The following MYBPC3 variants were observed in gnomAD, a reference collection of about 807,000 sequenced individuals.
MYBPC3 encodes myosin binding protein C3, also known as myosin-binding protein C, cardiac-type.
MYBPC3 carries 108 observed loss-of-function variants against 159.3 expected under a neutral mutation model. The observed-to-expected ratio is 0.68, with a 90% CI of 0.58 to 0.80. The LOEUF is 0.80. Ranked by LOEUF, MYBPC3 falls within the 30% of genes least tolerant of loss-of-function variation. MYBPC3 has a pLI of 0.00. For synonymous variants in MYBPC3, 730 were observed against 702.0 expected, an observed-to-expected ratio of 1.04 and a Z score of -0.63; for missense variants, 1,631 against 1,762.1, an observed-to-expected ratio of 0.93 and a Z score of 1.33.
Position 47,332,749 on chromosome 11 carries a change from C to T in MYBPC3, c.3491-47G>A, listed in dbSNP as rs1448980101. ...ACCGAGAGGGCCACACAAAGCTAGG[C>T]CCCTCTCCCTGTTCCCACAGCCTCC... On this transcript the variant is annotated intron_variant, in intron 31 of 34. Coordinates refer to ENST00000545968, the MANE Select transcript of MYBPC3 (RefSeq NM_000256.3). This position sits in a 1 kb window ranked among gnomAD's most constrained non-coding sequence, Gnocchi z 4.2. The T allele has an allele frequency of 1.3e-6, 2 of 1,585,486 alleles. No homozygotes were observed. The highest frequency in any genetic ancestry group is 1.7e-6 in the Non-Finnish European group (2 of 1,165,078).
chr11:47,341,922 T>A, intron 18 of MYBPC3, 69 bp downstream of exon 18: 1 of 1,532,244 alleles, frequency 6.5e-7, no homozygotes. Flanking sequence ...TCTCTCTGTT[T>A]CTCCCTGTGT....
At position 47,347,667 on chromosome 11, in the gene MYBPC3, C is replaced by T; in HGVS notation, c.835G>A (p.Gly279Ser). ...SAFRRTSLAGGGRRISDSHED... is the reference protein window; with the variant it reads ...SAFRRTSLAGSGRRISDSHED... ...CAGGGGTACCTGATCCGCCGACCAC[C>T]TCCAGCCAGGCTCCTGTGGGGGTTA... The change falls in exon 8 of 35, where the codon GGT (glycine) becomes AGT (serine). Residue 279 changes from glycine (G) to serine (S), a missense_variant. By Grantham distance (56) the Gly-to-Ser change is moderately conservative. Transcript: ENST00000545968. 1.3e-6 allele frequency: 2 copies of T among 1,574,354 alleles called. No individual in the cohort carries two copies. Among genetic ancestry groups the T allele is most frequent in the South Asian group, 2.3e-5 (2 of 85,810 alleles).
Position 47,343,008 on chromosome 11 carries a change from G to A in MYBPC3, c.1351+13C>T. On this transcript the variant is annotated intron_variant, in intron 15 of 34. Transcript: ENST00000545968. ...CCTCCCCAGGTTCCCACATCCTCAG[G>A]TCCCAGGCCCACCTTTCACAAAGAG... 6.2e-7 allele frequency: 1 copy of A among 1,613,042 alleles called. No homozygotes were observed. The highest frequency in any genetic ancestry group is 8.5e-7 in the Non-Finnish European group (1 of 1,179,764).
intron 19 of MYBPC3, 44 bp from the exon 20 acceptor site, chr11:47,341,076 G>T: frequency 6.4e-7 from 1 of 1,570,360 alleles, no homozygotes; most frequent in Non-Finnish European, 8.7e-7. Context: ...CAAAGGCAGG[G>T]CCCAGTGACA....
At chr11:47,334,092 G>T in intron 27 of MYBPC3, 82 bp from the exon 28 acceptor site, 1 of 1,350,322 alleles carries the variant, frequency 7.4e-7, no homozygotes, top group Non-Finnish European at 1.0e-6. Context: ...CTTGAGACAA[G>T]GCCCAGAGAG....
At chr11:47,342,288 G>T in intron 17 of MYBPC3, 132 bp from the exon 18 acceptor site, 1 of 1,165,910 alleles carries the variant, frequency 8.6e-7, no homozygotes, top group South Asian at 1.6e-5. Context: ...GAAAACACGT[G>T]TGCCTGTGTG....
chr11:47,335,288 A>T (rs2095881191), intron 26 of MYBPC3, 79 bp from the exon 27 acceptor site: 1 of 1,095,694 alleles, frequency 9.1e-7, no homozygotes, highest in Non-Finnish European at 1.2e-6. Flanking sequence ...CTCCTCTGAT[A>T]GGAATCTCCA....
At chr11:47,350,686 C>T in intron 2 of MYBPC3, 71 bp from the exon 3 acceptor site, 1 of 1,399,398 alleles carries the variant, frequency 7.1e-7, no homozygotes, top group Non-Finnish European at 9.3e-7. Context: ...CTCTCCTGAG[C>T]ATTGGACCCA....
chr11:47,348,327 A>G (rs544121678), intron 6 of MYBPC3, 97 bp downstream of exon 6: 1 of 911,192 alleles, frequency 1.1e-6, no homozygotes, highest in East Asian at 2.6e-5. Context: ...TCATGTCTGG[A>G]TGGGACGAGG....
At chr11:47,350,413 A>T in intron 3 of MYBPC3, 89 bp downstream of exon 3, 1 of 1,518,262 alleles carries the variant, frequency 6.6e-7, no homozygotes, top group Non-Finnish European at 8.8e-7. Flanking sequence ...GGCCTGAGCC[A>T]CCGCACCTGG....
intron 25 of MYBPC3, among the ~76,000 whole-genome samples, chr11:47,337,085 C>G (rs1655200078): frequency 1.3e-5 from 2 of 152,236 alleles, no homozygotes; most frequent in Non-Finnish European, 2.9e-5. Flanking sequence ...TAACAGCTCT[C>G]TGAGATAGGC....
In MYBPC3 at chr11:47,350,060, G is replaced by T; in HGVS notation, c.459C>A (p.Pro153=). 1 of 1,563,368 alleles carries T rather than the reference G, an allele frequency of 6.4e-7. No homozygotes were observed. Residue 153 remains proline (P), a synonymous_variant, in exon 4 of 35, where the codon CCC becomes CCA. Coordinates refer to ENST00000545968, the MANE Select transcript of MYBPC3 (RefSeq NM_000256.3). The part of the protein sequence containing the change: ...NGPTPGAPDD[P]IGLFVMRPQD... ...GTGGCCGCATCACGAAGAGGCCAAT[G>T]GGGTCATCGGGGGCTCCAGGGGTAG...
At position 47,351,348 on chromosome 11, in the gene MYBPC3, G is replaced by C. The variant is rs1171379544; in HGVS notation, c.183C>G (p.Gly61=). 6.2e-7 allele frequency: 1 copy of C among 1,601,728 alleles called. No homozygotes were observed. Among genetic ancestry groups the C allele is most frequent in the Non-Finnish European group, 8.5e-7 (1 of 1,174,694 alleles). The change falls in exon 2 of 35, where the codon GGC becomes GGG. Residue 61 remains glycine (G), a synonymous_variant. Transcript: ENST00000545968. This position sits in a 1 kb window ranked among gnomAD's most constrained non-coding sequence, Gnocchi z 4.2. The part of the protein sequence containing the change: ...ASNKYGLATE[G]TRHTLTVREV... ...CCCGCACTGTCAGCGTATGCCGTGT[G>C]CCCTCTGTGGCCAGGCCGTACTTGT...
rs1438644089 is a variant in MYBPC3 at position 47,342,262 on chromosome 11, G to A, written c.1625-106C>T. The A allele has an allele frequency of 2.2e-6, 3 of 1,373,672 alleles. No homozygotes were observed. In the African/African-American group the frequency reaches 4.3e-5, roughly 20 times the overall value. The allele number at this position is 1,373,672 out of a possible 1,614,324, so 85.1% of individuals were successfully genotyped here. A position where few individuals can be genotyped will look rare whatever the true frequency, so the allele number is the denominator to read the frequency against. ...TGGGCGCTGGTGCGCACGTGTCTGG[G>A]TGCATGTGGGCATGTGAAAACACGT... On this transcript the variant is annotated intron_variant, in intron 17 of 34. Coordinates refer to ENST00000545968, the MANE Select transcript of MYBPC3 (RefSeq NM_000256.3).
rs1329919535 is a variant in MYBPC3 at position 47,342,016 on chromosome 11, G to C, written c.1765C>G (p.Arg589Gly). 6.3e-7 allele frequency: 1 copy of C among 1,582,624 alleles called. No individual in the cohort carries two copies. Residue 589 changes from arginine to glycine, a missense_variant, in exon 18 of 35, where the codon CGC (arginine) becomes GGC (glycine). Coordinates refer to ENST00000545968, the MANE Select transcript of MYBPC3 (RefSeq NM_000256.3). ...CGCCCGATGTGGGACACCTTTATGC[G>C]GCTGTCGGGCACCAGCTCCTTCCCA... is the stretch of plus-strand genomic sequence containing the variant. ...KNGKELVPDS[R>G]IKVSHIGRVH...
At position 47,349,881 on chromosome 11, in the gene MYBPC3, G is replaced by A. The variant is rs1293264960; in HGVS notation, c.547C>T (p.Leu183Phe). ...TFSARVAGAS[L>F]LKPPVVKWFK... Reference sequence around the variant, plus strand: ...CACTTGACCACAGGCGGCTTCAGGAGGCTGGCGCCGGCCACGCGGGCTGAG... The same window carrying A: ...CACTTGACCACAGGCGGCTTCAGGAAGCTGGCGCCGGCCACGCGGGCTGAG... Residue 183 changes from leucine (L) to phenylalanine (F), a missense_variant, in exon 5 of 35, where the codon CTC becomes TTC. Transcript: ENST00000545968. 1.2e-6 allele frequency: 2 copies of A among 1,611,462 alleles called. No homozygotes were observed. Among genetic ancestry groups the A allele is most frequent in the African/African-American group, 2.7e-5 (2 of 74,912 alleles).
Position 47,351,585 on chromosome 11 carries a change from G to A in MYBPC3, c.26-80C>T. 2 of 1,412,788 alleles carry A rather than the reference G, an allele frequency of 1.4e-6. No individual in the cohort carries two copies. The highest frequency in any genetic ancestry group is 1.9e-6 in the Non-Finnish European group (2 of 1,067,096). 87.5% of individuals were successfully genotyped at this position (1,412,788 alleles called of 1,614,324 possible). On this transcript the variant is annotated intron_variant, in intron 1 of 34. Transcript: ENST00000545968. The surrounding 1 kb of genome is among the most constrained non-coding windows in gnomAD (Gnocchi z 4.2). Reference sequence around the variant, plus strand: ...CCTGCAGCCCCTCTCAGTAAATACTGTGCTAGCACTTTCTATGCATCCCCT... The same window carrying A: ...CCTGCAGCCCCTCTCAGTAAATACTATGCTAGCACTTTCTATGCATCCCCT...
intron 6 of MYBPC3, 83 bp from the exon 7 acceptor site, chr11:47,347,988 G>A: frequency 1.5e-6 from 2 of 1,329,930 alleles, no homozygotes; most frequent in Non-Finnish European, 2.1e-6. Flanking sequence ...CGGCCTCTGA[G>A]TATTCACAGA....
Position 47,339,754 on chromosome 11 carries a change from A to G in MYBPC3, c.1964T>C (p.Ile655Thr), listed in dbSNP as rs1189009603. Residue 655 changes from isoleucine to threonine, a missense_variant, in exon 21 of 35, where the codon ATA becomes ACA. Transcript: ENST00000545968. ...AGCTACAACCACAATGGTGTCTGGTATGCGGCCTGGGCAGTCCAGGTGGAT... is the reference window on the plus strand; with the variant it reads ...AGCTACAACCACAATGGTGTCTGGTGTGCGGCCTGGGCAGTCCAGGTGGAT... Reference protein sequence around the residue: ...PKIHLDCPGRIPDTIVVVAGN... With the variant: ...PKIHLDCPGRTPDTIVVVAGN... The G allele has an allele frequency of 2.5e-6, 4 of 1,613,842 alleles. No individual in the cohort carries two copies. Among genetic ancestry groups the G allele is most frequent in the Admixed American group, 1.7e-5 (1 of 60,004 alleles).
Sources: gnomAD v4.1 joint callset for allele counts (sites outside exome capture counted in the v4.1 genomes callset) on GRCh38, gnomAD v4.1.1 for gene constraint, Gnocchi (gnomAD v3.1) non-coding constraint, MANE v1.5 for transcripts, NCBI Gene and HGNC (gene_info 2026-07-23, HGNC 2026-07-21) for gene names.